Variants in PTPRT observed in about 807,000 individuals in gnomAD.
PTPRT encodes the protein protein tyrosine phosphatase receptor type T, also known as receptor-type tyrosine-protein phosphatase T.
In PTPRT, 56 loss-of-function variants were observed where a neutral mutation model predicts 176.8. That is an observed-to-expected ratio of 0.32 (90% CI 0.26 to 0.40). The LOEUF is 0.40. Ranked by LOEUF, PTPRT falls within the 10% of genes least tolerant of loss-of-function variation. The pLI is 1.00. For synonymous variants in PTPRT, 783 were observed against 739.0 expected (o/e 1.06, Z -0.96); for missense variants, 1,540 against 1,908.2 (o/e 0.81, Z 3.60).
chr20:42,713,687 G>A (rs2076180152), intron 6 of PTPRT, among the ~76,000 whole-genome samples: 1 of 152,200 alleles, frequency 6.6e-6, no homozygotes, highest in African/African-American at 2.4e-5. Flanking sequence ...ATTGTTGGAG[G>A]TGGGATGTAG....
chr20:42,571,987 T>C (rs573548744), intron 7 of PTPRT, among the ~76,000 whole-genome samples: 3 of 152,200 alleles, frequency 2.0e-5, no homozygotes, highest in African/African-American at 4.8e-5. Context: ...TATAACCACA[T>C]ACCATAGACA....
intron 6 of PTPRT, among the ~76,000 whole-genome samples, chr20:42,716,887 G>T (rs2076232111): frequency 6.6e-6 from 1 of 152,028 alleles, no homozygotes; most frequent in Non-Finnish European, 1.5e-5. Context: ...TCCTTTGTAG[G>T]GACATGGATG....
At chr20:42,641,326 G>T (rs987608413) in intron 7 of PTPRT, among the ~76,000 whole-genome samples, 2 of 152,162 alleles carry the variant, frequency 1.3e-5, no homozygotes, top group Non-Finnish European at 2.9e-5. Context: ...CTGATAAAGT[G>T]TGCACTGAGA....
At chr20:42,633,481 A>T (rs768082275) in intron 7 of PTPRT, among the ~76,000 whole-genome samples, 1 of 151,854 alleles carries the variant, frequency 6.6e-6, no homozygotes, top group Non-Finnish European at 1.5e-5. Context: ...AGTTGACAGT[A>T]GGAGAAAATG....
At chr20:42,535,021 G>C (rs765115867) in intron 7 of PTPRT, among the ~76,000 whole-genome samples, 1 of 152,078 alleles carries the variant, frequency 6.6e-6, no homozygotes. Flanking sequence ...CCTATTATGC[G>C]GATAAGAAAC....
intron 2 of PTPRT, among the ~76,000 whole-genome samples, chr20:42,825,867 C>A (rs2077983740): frequency 6.6e-6 from 1 of 151,928 alleles, no homozygotes; most frequent in African/African-American, 2.4e-5. Flanking sequence ...CAGAATACAA[C>A]CAATTTAACC....
At chr20:42,956,611 G>A (rs1981660072) in intron 1 of PTPRT, among the ~76,000 whole-genome samples, 1 of 151,666 alleles carries the variant, frequency 6.6e-6, no homozygotes, top group South Asian at 2.1e-4. Flanking sequence ...AAATTACCCA[G>A]CCTCAGGTAT....
At chr20:42,536,364 C>A (rs1005943375) in intron 7 of PTPRT, among the ~76,000 whole-genome samples, 2 of 152,064 alleles carry the variant, frequency 1.3e-5, no homozygotes, top group Non-Finnish European at 2.9e-5. Flanking sequence ...AATGATGTAC[C>A]CATTGGCAGA....
chr20:42,137,019 G>C (rs926219177), intron 18 of PTPRT, among the ~76,000 whole-genome samples: 2 of 152,178 alleles, frequency 1.3e-5, no homozygotes, highest in African/African-American at 4.8e-5. Flanking sequence ...CTGGCTCTTT[G>C]GGCCTGCCCT....
chr20:42,070,998 C>A (rs2146038396), downstream of PTPRT, among the ~76,000 whole-genome samples: 1 of 152,164 alleles, frequency 6.6e-6, no homozygotes, highest in East Asian at 1.9e-4. Context: ...TTAACATGAC[C>A]AAGGACAAAG....
At chr20:43,181,130 G>A (rs2015248243) in intron 1 of PTPRT, among the ~76,000 whole-genome samples, 1 of 152,160 alleles carries the variant, frequency 6.6e-6, no homozygotes, top group Admixed American at 6.5e-5. Flanking sequence ...AGAGACGGAG[G>A]TCCTCAAGCC....
intron 1 of PTPRT, among the ~76,000 whole-genome samples, chr20:43,093,144 AT>A (rs1732787033): frequency 6.6e-6 from 1 of 152,238 alleles, no homozygotes; most frequent in Non-Finnish European, 1.5e-5. Context: ...AAAAACAAAC[AT>A]TAAAAGAAAA....
intron 11 of PTPRT, among the ~76,000 whole-genome samples, chr20:42,342,116 C>T (rs184111663): frequency 6.6e-6 from 1 of 152,312 alleles, no homozygotes; most frequent in East Asian, 1.9e-4. Context: ...CTAATTGCAG[C>T]TCTGTGCTAT....
chr20:42,713,721 G>A (rs113750537), intron 6 of PTPRT, among the ~76,000 whole-genome samples: 47 of 152,260 alleles, frequency 3.1e-4, no homozygotes, highest in African/African-American at 1.0e-3. Context: ...GATCATGGGA[G>A]CGGATTTCTC....
the PTPRT span, among the ~76,000 whole-genome samples, chr20:42,064,817 A>G: frequency 1.2e-4 from 18 of 152,226 alleles, no homozygotes; most frequent in African/African-American, 4.3e-4. Flanking sequence ...CTTCTCTTGA[A>G]TCACTGCTGA....
At chr20:42,135,780 T>C (rs961594754) in intron 18 of PTPRT, among the ~76,000 whole-genome samples, 3 of 152,156 alleles carry the variant, frequency 2.0e-5, no homozygotes, top group Non-Finnish European at 4.4e-5. Context: ...TCATCCCATT[T>C]CATGAATGAG....
the PTPRT span, among the ~76,000 whole-genome samples, chr20:42,034,988 G>C: frequency 6.6e-6 from 1 of 152,242 alleles, no homozygotes; most frequent in South Asian, 2.1e-4. Context: ...CAGGGTTAGG[G>C]GTTCACTGAG....
chr20:42,759,760 C>T (rs543024999), intron 5 of PTPRT, among the ~76,000 whole-genome samples: 3 of 152,238 alleles, frequency 2.0e-5, no homozygotes, highest in East Asian at 3.9e-4. Context: ...GCTTCTTTTC[C>T]TTCTGTGGCA....
intron 9 of PTPRT, among the ~76,000 whole-genome samples, chr20:42,419,008 C>T (rs2059091804): frequency 6.6e-6 from 1 of 152,174 alleles, no homozygotes; most frequent in South Asian, 2.1e-4. Flanking sequence ...GAACAGTTCC[C>T]AGCATATAAT....
Sources: allele counts gnomAD v4.1 joint callset (sites outside exome capture counted in the v4.1 genomes callset), GRCh38; gene constraint gnomAD v4.1.1; transcripts MANE v1.5; gene names NCBI Gene and HGNC (gene_info 2026-07-23, HGNC 2026-07-21).